The following STARD13 variants were observed in gnomAD, a reference collection of about 807,000 sequenced individuals.
The protein encoded by STARD13 is StAR related lipid transfer domain containing 13.
Under a neutral mutation model 106.4 loss-of-function variants are expected in STARD13, and 62 were observed. That is an observed-to-expected ratio of 0.58 (90% CI 0.48 to 0.72). STARD13 has a LOEUF of 0.72. STARD13 is among the 30% of genes least tolerant of loss of function. The pLI is 0.00. For synonymous variants in STARD13, 565 were observed against 553.0 expected (o/e 1.02, Z -0.31); for missense variants, 1,387 against 1,424.0 (o/e 0.97, Z 0.42).
the STARD13 span, among the ~76,000 whole-genome samples, chr13:33,593,819 T>C: frequency 2.6e-5 from 4 of 152,106 alleles, no homozygotes; most frequent in African/African-American, 9.7e-5. Context: ...AGAGATGGGA[T>C]CAGTCCCCAT....
the STARD13 span, among the ~76,000 whole-genome samples, chr13:33,619,214 A>G: frequency 2.0e-5 from 3 of 152,146 alleles, no homozygotes; most frequent in Non-Finnish European, 2.9e-5. Context: ...AACTGTACTC[A>G]AACAGCCCTA....
At chr13:33,106,978 G>A in intron 12 of STARD13, 44 bp from the exon 13 acceptor site, 1 of 1,566,868 alleles carries the variant, frequency 6.4e-7, no homozygotes, top group Non-Finnish European at 8.7e-7. Flanking sequence ...ACTGAGGGAG[G>A]AAGAAGAACC....
the STARD13 span, among the ~76,000 whole-genome samples, chr13:33,465,259 G>A: frequency 3.9e-4 from 54 of 138,938 alleles, no homozygotes; most frequent in African/African-American, 1.4e-3. Context: ...AGCCTGGAGT[G>A]CAGTGGCGCG....
chr13:33,165,473 A>C, intron 2 of STARD13, 55 bp from the exon 3 acceptor site: 4 of 1,331,450 alleles, frequency 3.0e-6, no homozygotes, highest in Non-Finnish European at 3.2e-6. Flanking sequence ...AATGAGCACC[A>C]ACATATTCAG....
intron 1 of STARD13, among the ~76,000 whole-genome samples, chr13:33,241,167 C>T (rs1286466256): frequency 6.6e-6 from 1 of 152,098 alleles, no homozygotes; most frequent in Non-Finnish European, 1.5e-5. Context: ...GTTTTGTAAA[C>T]TATTTCAGGG....
chr13:33,460,612 A>T, the STARD13 span, among the ~76,000 whole-genome samples: 1 of 152,096 alleles, frequency 6.6e-6, no homozygotes, highest in Admixed American at 6.5e-5. Context: ...GCTTATTTTT[A>T]AAAATAACTG....
chr13:33,215,371 T>A (rs914389162), intron 1 of STARD13, among the ~76,000 whole-genome samples: 8 of 152,182 alleles, frequency 5.3e-5, no homozygotes, highest in African/African-American at 1.9e-4. Context: ...ACAGTGAAGA[T>A]CTATCTCCTA....
intron 1 of STARD13, among the ~76,000 whole-genome samples, chr13:33,341,079 G>A (rs1480237956): frequency 6.6e-6 from 1 of 152,208 alleles, no homozygotes; most frequent in Non-Finnish European, 1.5e-5. Context: ...GCCCAGAAAT[G>A]TTGTAAGACT....
At chr13:33,159,695 G>T (rs912295436) in intron 3 of STARD13, among the ~76,000 whole-genome samples, 1 of 152,124 alleles carries the variant, frequency 6.6e-6, no homozygotes, top group Non-Finnish European at 1.5e-5. Context: ...ATACAAATTT[G>T]TATACTAGCA....
the STARD13 span, among the ~76,000 whole-genome samples, chr13:33,606,483 A>AT: frequency 1.3e-5 from 2 of 151,802 alleles, no homozygotes; most frequent in Non-Finnish European, 2.9e-5. Context: ...TTTTTCTTCC[A>AT]TTTTTTGCAT....
chr13:33,208,967 G>T (rs1356960996), intron 1 of STARD13, among the ~76,000 whole-genome samples: 1 of 152,188 alleles, frequency 6.6e-6, no homozygotes, highest in African/African-American at 2.4e-5. Flanking sequence ...TACTTTTGCA[G>T]CCGTTTAAAA....
the STARD13 span, among the ~76,000 whole-genome samples, chr13:33,419,888 T>C: frequency 1.3e-5 from 2 of 152,264 alleles, no homozygotes; most frequent in South Asian, 4.1e-4. Context: ...ATAAAATCTT[T>C]TACAGACAAG....
intron 1 of STARD13, among the ~76,000 whole-genome samples, chr13:33,303,384 G>C (rs1273869207): frequency 6.6e-6 from 1 of 152,168 alleles, no homozygotes; most frequent in Non-Finnish European, 1.5e-5. Flanking sequence ...GTGAGACTAT[G>C]ATTCAAAACC....
chr13:33,384,772 T>G, the STARD13 span, among the ~76,000 whole-genome samples: 1 of 152,042 alleles, frequency 6.6e-6, no homozygotes, highest in Non-Finnish European at 1.5e-5. Flanking sequence ...TCCTTAATCC[T>G]TACTCCACCC....
intron 7 of STARD13, among the ~76,000 whole-genome samples, chr13:33,123,438 A>G (rs1876673160): frequency 6.6e-6 from 1 of 152,218 alleles, no homozygotes; most frequent in African/African-American, 2.4e-5. Context: ...AGAAAGAAAG[A>G]TTCATAAGAA....
At position 33,118,200 on chromosome 13, in the gene STARD13, T is replaced by C. The variant is rs1171523070; in HGVS notation, c.2146A>G (p.Asn716Asp). Residue 716 changes from asparagine (N) to aspartate (D), a missense_variant, in exon 8 of 14, where the codon AAC becomes GAC. By Grantham distance (23) the Asn-to-Asp change is conservative. Transcript: ENST00000336934. ...RIHALRQMNE[N>D]FPENVNYEDQ... Reference sequence around the variant, plus strand: ...TCATAGTTGACGTTCTCAGGGAAGTTTTCATTCATTTGGCGAAGGGCATGG... The same window carrying C: ...TCATAGTTGACGTTCTCAGGGAAGTCTTCATTCATTTGGCGAAGGGCATGG... 1 of 1,614,170 alleles carries C rather than the reference T, an allele frequency of 6.2e-7. No individual in the cohort carries two copies. Among genetic ancestry groups the C allele is most frequent in the South Asian group, 1.1e-5 (1 of 91,080 alleles).
the STARD13 span, among the ~76,000 whole-genome samples, chr13:33,460,504 A>G: frequency 6.6e-6 from 1 of 151,792 alleles, no homozygotes; most frequent in Non-Finnish European, 1.5e-5. Flanking sequence ...AAAAAAAAAA[A>G]GAAAGATTGT....
At chr13:33,641,436 G>A in the STARD13 span, among the ~76,000 whole-genome samples, 1 of 152,136 alleles carries the variant, frequency 6.6e-6, no homozygotes, top group African/African-American at 2.4e-5. Flanking sequence ...AGGAAACTTA[G>A]AGTCATATTT....
the STARD13 span, among the ~76,000 whole-genome samples, chr13:33,547,567 A>G: frequency 1.3e-5 from 2 of 152,184 alleles, no homozygotes; most frequent in South Asian, 4.1e-4. Flanking sequence ...ACCTTGAGAG[A>G]AATATAGAAA....
Sources: allele counts gnomAD v4.1 joint callset (sites outside exome capture counted in the v4.1 genomes callset), GRCh38; gene constraint gnomAD v4.1.1; transcripts MANE v1.5; gene names NCBI Gene and HGNC (gene_info 2026-07-23, HGNC 2026-07-21).